Variants in EML4 observed in about 807,000 individuals in gnomAD.
EML4 encodes the protein EMAP like 4, also known as echinoderm microtubule-associated protein-like 4.
EML4 carries 72 observed loss-of-function variants against 129.0 expected under a neutral mutation model. The observed-to-expected ratio is 0.56, with a 90% confidence interval of 0.46 to 0.68. The LOEUF (loss-of-function observed/expected upper bound fraction) is 0.68, where lower values mean the gene tolerates loss of function less well. Among genes scored for constraint, EML4 ranks in the 30% least tolerant of loss-of-function variants. The pLI is 0.00. For synonymous variants in EML4, 532 were observed against 405.0 expected, an observed-to-expected ratio of 1.31 and a Z score of -3.77; for missense variants, 1,363 against 1,190.6, an observed-to-expected ratio of 1.14 and a Z score of -2.13.
At chr2:42,311,586 A>G (rs1668954145) in intron 17 of EML4, among the ~76,000 whole-genome samples, 1 of 152,224 alleles carries the variant, frequency 6.6e-6, no homozygotes, top group African/African-American at 2.4e-5. Flanking sequence ...AGAGTGTCAT[A>G]AAGTTTCCAT....
chr2:42,185,359 T>C (rs922951387), intron 1 of EML4, among the ~76,000 whole-genome samples: 5 of 152,236 alleles, frequency 3.3e-5, no homozygotes, highest in Non-Finnish European at 5.9e-5. Context: ...ACTTAGGGAT[T>C]GTCTGTAACT....
intron 14 of EML4, among the ~76,000 whole-genome samples, chr2:42,302,224 A>G (rs1468998445): frequency 1.3e-5 from 2 of 152,140 alleles, no homozygotes; most frequent in African/African-American, 2.4e-5. Context: ...TAATTGACAC[A>G]TTGTAATTGA....
At chr2:42,224,330 T>C (rs1173401740) in intron 1 of EML4, among the ~76,000 whole-genome samples, 1 of 152,182 alleles carries the variant, frequency 6.6e-6, no homozygotes, top group South Asian at 2.1e-4. Context: ...CTGGCTTCTT[T>C]CACTAAGTAT....
At chr2:42,293,385 G>A (rs1025796486) in intron 11 of EML4, among the ~76,000 whole-genome samples, 2 of 152,152 alleles carry the variant, frequency 1.3e-5, no homozygotes, top group African/African-American at 4.8e-5. Flanking sequence ...ACAGGCATAA[G>A]CCACAACACC....
intron 2 of EML4, among the ~76,000 whole-genome samples, chr2:42,246,028 C>G (rs1675381690): frequency 6.6e-6 from 1 of 152,098 alleles, no homozygotes. Context: ...GGTAGGCACT[C>G]ATGTGTTCTT....
chr2:42,327,373 G>C (rs1393731660), intron 21 of EML4, among the ~76,000 whole-genome samples: 1 of 152,178 alleles, frequency 6.6e-6, no homozygotes, highest in Non-Finnish European at 1.5e-5. Context: ...GAGTAGAATT[G>C]CTGAGTCAAA....
At chr2:42,328,102 G>T (rs1175241688) in intron 21 of EML4, among the ~76,000 whole-genome samples, 1 of 152,158 alleles carries the variant, frequency 6.6e-6, no homozygotes, top group Non-Finnish European at 1.5e-5. Context: ...TTTTAATGAA[G>T]ACATTATTTA....
chr2:42,263,917 A>T (rs1665891862), intron 5 of EML4, among the ~76,000 whole-genome samples: 1 of 149,708 alleles, frequency 6.7e-6, no homozygotes, highest in Non-Finnish European at 1.5e-5. Flanking sequence ...TTTGGTAGAG[A>T]TGGTGTTTTC....
intron 1 of EML4, among the ~76,000 whole-genome samples, chr2:42,194,905 G>A: frequency 6.6e-6 from 1 of 152,136 alleles, no homozygotes; most frequent in East Asian, 1.9e-4. Context: ...TGTGTATGGT[G>A]TAAGATAAGA....
intron 1 of EML4, among the ~76,000 whole-genome samples, chr2:42,232,891 A>T (rs930783986): frequency 2.6e-5 from 4 of 151,774 alleles, no homozygotes; most frequent in Non-Finnish European, 5.9e-5. Context: ...CGCGCGGCTA[A>T]TTTTTTTTAT....
chr2:42,255,079 G>GT (rs371184755), intron 2 of EML4, among the ~76,000 whole-genome samples: 278 of 147,774 alleles, frequency 1.9e-3, no homozygotes, highest in Admixed American at 2.4e-3. Flanking sequence ...CGCGGTTTTT[G>GT]TTTTTTTTTT....
At chr2:42,177,185 G>A (rs1670655185) in intron 1 of EML4, among the ~76,000 whole-genome samples, 1 of 151,972 alleles carries the variant, frequency 6.6e-6, no homozygotes, top group Non-Finnish European at 1.5e-5. Flanking sequence ...TCATGATCCA[G>A]TAAAATGTGG....
chr2:42,178,587 G>A (rs974063326), intron 1 of EML4, among the ~76,000 whole-genome samples: 1 of 152,106 alleles, frequency 6.6e-6, no homozygotes, highest in Non-Finnish European at 1.5e-5. Flanking sequence ...GTAGTGTGGT[G>A]AGTATCCCCC....
At chr2:42,170,736 T>G (rs1431710178) in intron 1 of EML4, among the ~76,000 whole-genome samples, 1 of 152,198 alleles carries the variant, frequency 6.6e-6, no homozygotes, top group Admixed American at 6.5e-5. Flanking sequence ...GTATTTTGAG[T>G]TTTTTATGTG....
At chr2:42,211,162 A>G (rs907592756) in intron 1 of EML4, among the ~76,000 whole-genome samples, 3 of 152,214 alleles carry the variant, frequency 2.0e-5, no homozygotes. Context: ...TGTGGAACAT[A>G]TAAAAGTATG....
At chr2:42,295,043 A>G (rs1667866284) in intron 11 of EML4, 82 bp from the exon 12 acceptor site, 3 of 1,277,246 alleles carry the variant, frequency 2.3e-6, no homozygotes, top group Non-Finnish European at 3.2e-6. Context: ...CCTATCGTTA[A>G]TTGTAAGTAG....
intron 1 of EML4, among the ~76,000 whole-genome samples, chr2:42,177,989 C>A (rs1242554752): frequency 6.6e-6 from 1 of 152,264 alleles, no homozygotes; most frequent in East Asian, 1.9e-4. Context: ...TAATCCCTAT[C>A]TTTGAGAGAA....
At chr2:42,202,733 G>T (rs1672306204) in intron 1 of EML4, among the ~76,000 whole-genome samples, 1 of 152,180 alleles carries the variant, frequency 6.6e-6, no homozygotes. Flanking sequence ...CACCCCGATT[G>T]AGGGTAGGTC....
chr2:42,286,738 T>C (rs893636987), intron 10 of EML4, among the ~76,000 whole-genome samples: 3 of 152,196 alleles, frequency 2.0e-5, no homozygotes, highest in Admixed American at 1.3e-4. Flanking sequence ...ATAGAAAAGA[T>C]CTATTTTATT....
Sources: gnomAD v4.1 joint callset for allele counts (sites outside exome capture counted in the v4.1 genomes callset) on GRCh38, gnomAD v4.1.1 for gene constraint, MANE v1.5 for transcripts, NCBI Gene and HGNC (gene_info 2026-07-23, HGNC 2026-07-21) for gene names.